CALN1: variants seen among roughly 807,000 people sequenced by gnomAD.
CALN1 encodes calneuron 1.
In CALN1, 17 loss-of-function variants were observed where a neutral mutation model predicts 30.6. That is an observed-to-expected ratio of 0.56 (90% confidence interval 0.38 to 0.83). CALN1 has a LOEUF of 0.83. Among genes scored for constraint, CALN1 ranks in the 40% least tolerant of loss-of-function variants. CALN1 has a pLI of 0.00. For synonymous variants in CALN1, 156 were observed against 131.4 expected, an observed-to-expected ratio of 1.19 and a Z score of -1.28; for missense variants, 291 against 354.9, an observed-to-expected ratio of 0.82 and a Z score of 1.45.
At chr7:72,290,736 G>A (rs929305984) in intron 2 of CALN1, among the ~76,000 whole-genome samples, 1 of 151,812 alleles carries the variant, frequency 6.6e-6, no homozygotes, top group Non-Finnish European at 1.5e-5. Context: ...CAAATTATTT[G>A]CAAATTTGTA....
intron 3 of CALN1, among the ~76,000 whole-genome samples, chr7:72,120,760 A>G (rs1425834349): frequency 5.9e-5 from 9 of 152,154 alleles, no homozygotes. Context: ...GATCCAGAGG[A>G]TTACAAGGCT....
chr7:72,412,342 A>C (rs1489842985), upstream of CALN1: 1 of 152,182 alleles, frequency 6.6e-6, no homozygotes. Context: ...GAGCTTCCCC[A>C]GCGGGCTCGG....
chr7:72,131,981 A>G (rs1361974367), intron 3 of CALN1, among the ~76,000 whole-genome samples: 1 of 152,128 alleles, frequency 6.6e-6, no homozygotes, highest in Non-Finnish European at 1.5e-5. Context: ...CCTCAATCCC[A>G]TTTCCCAAAT....
chr7:72,008,333 T>C (rs1387513808), intron 5 of CALN1, among the ~76,000 whole-genome samples: 1 of 151,948 alleles, frequency 6.6e-6, no homozygotes. Flanking sequence ...TTATAGACCA[T>C]ATAGTAAGTG....
intron 3 of CALN1, among the ~76,000 whole-genome samples, chr7:72,180,627 AGACAGG>A (rs1789708738): frequency 9.1e-6 from 1 of 109,502 alleles, no homozygotes; most frequent in Non-Finnish European, 1.8e-5. Flanking sequence ...TTTTTTTTAG[AGACAGG>A]ATCTCACAGT....
At chr7:72,297,716 CA>C (rs879811075) in intron 2 of CALN1, among the ~76,000 whole-genome samples, 30 of 152,240 alleles carry the variant, frequency 2.0e-4, no homozygotes, top group Non-Finnish European at 4.3e-4. Flanking sequence ...GACACAGATC[CA>C]AATGGAAGAA....
chr7:72,260,491 T>C (rs1190751821), intron 3 of CALN1, among the ~76,000 whole-genome samples: 1 of 152,180 alleles, frequency 6.6e-6, no homozygotes, highest in Non-Finnish European at 1.5e-5. Flanking sequence ...GTCGTGGAGA[T>C]TCAAAATCTA....
At chr7:72,191,595 AAGGAGGAAGAG>A (rs1451364143) in intron 3 of CALN1, among the ~76,000 whole-genome samples, 6 of 151,178 alleles carry the variant, frequency 4.0e-5, no homozygotes, top group Non-Finnish European at 7.4e-5. Flanking sequence ...CAGAGGAAGA[AAGGAGGAAGAG>A]AGTGCAGAGA....
At chr7:71,917,658 G>C (rs187509493) in intron 5 of CALN1, among the ~76,000 whole-genome samples, 295 of 152,206 alleles carry the variant, frequency 1.9e-3, no homozygotes, top group Admixed American at 5.5e-3. Flanking sequence ...GAGTGCAAGT[G>C]GGGGGAGGAA....
chr7:72,235,807 C>G (rs1406760071), intron 3 of CALN1, among the ~76,000 whole-genome samples: 2 of 151,980 alleles, frequency 1.3e-5, no homozygotes, highest in African/African-American at 2.4e-5. Flanking sequence ...GTTACAACCA[C>G]TGTCCCTTTG....
chr7:71,861,181 GT>G (rs1791253633), intron 5 of CALN1, among the ~76,000 whole-genome samples: 1 of 65,638 alleles, frequency 1.5e-5, no homozygotes, highest in Admixed American at 1.3e-4. Context: ...GGTGTGGGGT[GT>G]GTGTGTGTGC....
At chr7:71,928,125 G>A (rs1324612834) in intron 5 of CALN1, among the ~76,000 whole-genome samples, 1 of 152,114 alleles carries the variant, frequency 6.6e-6, no homozygotes, top group Non-Finnish European at 1.5e-5. Context: ...TATGGAGGAG[G>A]GCTTTCTCTC....
chr7:72,238,770 C>T (rs1466869198), intron 3 of CALN1, among the ~76,000 whole-genome samples: 1 of 152,200 alleles, frequency 6.6e-6, no homozygotes, highest in Non-Finnish European at 1.5e-5. Context: ...TTGTAAGTTT[C>T]CTGAGACCTC....
Position 71,956,207 on chromosome 7 carries a change from C to T in CALN1, c.501+67450G>A, listed in dbSNP as rs574633900. ...ATCATCATGTTGGCCAGGCTGGTCTCGAACTCCTGACCTCAAGCGATCCTC... is the reference window on the plus strand; with the variant it reads ...ATCATCATGTTGGCCAGGCTGGTCTTGAACTCCTGACCTCAAGCGATCCTC... On this transcript the variant is annotated intron_variant, in intron 5 of 6. Coordinates refer to ENST00000395275, the MANE Select transcript of CALN1 (RefSeq NM_031468.4). 1.6e-3 allele frequency among the ~76,000 whole-genome samples: 250 copies of T among 152,144 alleles called. 1 individual carries two copies. The highest frequency in any genetic ancestry group is 5.6e-3 in the African/African-American group (233 of 41,514).
At chr7:72,010,851 AAAAGG>A (rs1190800727) in intron 5 of CALN1, among the ~76,000 whole-genome samples, 3 of 150,336 alleles carry the variant, frequency 2.0e-5, no homozygotes, top group Non-Finnish European at 3.0e-5. Context: ...AAAAGAAAAG[AAAAGG>A]AAAGGAAAGG....
rs1431631466 is a variant in CALN1 at position 71,783,763 on chromosome 7, A to G, written c.*4012T>C. ...AACTTTTCTCTCTCAGTTCTGAAAC[A>G]TATCGCTTTATGATTCTATGAATGG... On this transcript the variant is annotated 3_prime_UTR_variant, in exon 7 of 7. Transcript: ENST00000395275. The G allele has an allele frequency of 1.3e-5, 2 of 152,674 alleles. No individual in the cohort carries two copies. The highest frequency in any genetic ancestry group is 2.9e-5 in the Non-Finnish European group (2 of 68,050). 9.5% of individuals were successfully genotyped at this position (152,674 alleles called of 1,614,324 possible). A position where few individuals can be genotyped will look rare whatever the true frequency, so the allele number is the denominator to read the frequency against.
chr7:72,228,014 T>G (rs772802280), intron 3 of CALN1, among the ~76,000 whole-genome samples: 6 of 151,940 alleles, frequency 3.9e-5, no homozygotes, highest in Non-Finnish European at 5.9e-5. Flanking sequence ...ATGTCGGATT[T>G]CAGGTTCACG....
chr7:71,797,257 G>C (rs1584237180), intron 6 of CALN1, among the ~76,000 whole-genome samples: 1 of 152,306 alleles, frequency 6.6e-6, no homozygotes, highest in East Asian at 1.9e-4. Context: ...GCAGGGAGCT[G>C]GGGGTGCAGG....
chr7:72,040,794 A>G lies in CALN1; in HGVS notation c.389-17025T>C, dbSNP rs117477761. Among the ~76,000 whole-genome samples the G allele has an allele frequency of 5.8e-3, 883 of 152,302 alleles. 9 individuals are homozygous for G. The highest frequency in any genetic ancestry group is 8.2e-3 in the Non-Finnish European group (555 of 68,038). ...GGGCTTCCAGCCTTCAGAACTGCAA[A>G]AAGTGGTCATGTGCAAGACAGGAAG... On this transcript the variant is annotated intron_variant, in intron 4 of 6. Coordinates refer to ENST00000395275, the MANE Select transcript of CALN1 (RefSeq NM_031468.4).
Sources: allele counts gnomAD v4.1 joint callset (sites outside exome capture counted in the v4.1 genomes callset), GRCh38; gene constraint gnomAD v4.1.1; transcripts MANE v1.5; gene names NCBI Gene and HGNC (gene_info 2026-07-23, HGNC 2026-07-21).